L3MBTL4: variants seen among roughly 807,000 people sequenced by gnomAD.
L3MBTL4 encodes the protein lethal(3)malignant brain tumor-like protein 4.
Under a neutral mutation model 84.5 loss-of-function variants are expected in L3MBTL4, and 70 were observed. That is an observed-to-expected ratio of 0.83 (90% CI 0.68 to 1.01). The LOEUF (loss-of-function observed/expected upper bound fraction) is 1.01. L3MBTL4 is among the 50% of genes least tolerant of loss of function. The pLI is 0.00. For synonymous variants in L3MBTL4, 274 were observed against 259.8 expected (o/e 1.05, Z -0.52); for missense variants, 715 against 754.8 (o/e 0.95, Z 0.62).
intron 14 of L3MBTL4, among the ~76,000 whole-genome samples, chr18:6,120,626 C>G (rs1250315063): frequency 6.6e-6 from 1 of 152,222 alleles, no homozygotes; most frequent in African/African-American, 2.4e-5. Flanking sequence ...CATTCCTCCT[C>G]TTCCAGTCAC....
intron 14 of L3MBTL4, among the ~76,000 whole-genome samples, chr18:6,110,152 C>T (rs967432407): frequency 4.6e-5 from 7 of 152,166 alleles, no homozygotes; most frequent in African/African-American, 1.7e-4. Context: ...CTGCTTCTAA[C>T]GGGAAACTCT....
At chr18:6,265,128 AT>A (rs1490297798) in intron 4 of L3MBTL4, among the ~76,000 whole-genome samples, 1 of 152,256 alleles carries the variant, frequency 6.6e-6, no homozygotes, top group African/African-American at 2.4e-5. Context: ...TTAAATGATC[AT>A]TTTTGGTAAA....
chr18:6,103,941 CAAG>C (rs1471460661), intron 14 of L3MBTL4, among the ~76,000 whole-genome samples: 2 of 152,168 alleles, frequency 1.3e-5, no homozygotes, highest in African/African-American at 4.8e-5. Context: ...CTAACAGCTA[CAAG>C]AAGATTTGCA....
intron 10 of L3MBTL4, among the ~76,000 whole-genome samples, chr18:6,218,678 T>C (rs1406644324): frequency 6.6e-6 from 1 of 151,984 alleles, no homozygotes; most frequent in Non-Finnish European, 1.5e-5. Flanking sequence ...GCTATGTACA[T>C]GCAAAAAAGG....
At chr18:6,094,786 C>G (rs948352872) in intron 14 of L3MBTL4, among the ~76,000 whole-genome samples, 1 of 152,000 alleles carries the variant, frequency 6.6e-6, no homozygotes, top group Non-Finnish European at 1.5e-5. Context: ...TGCATTCTAA[C>G]CCCAAAAGGA....
At chr18:6,382,724 G>A (rs186131087) in intron 1 of L3MBTL4, among the ~76,000 whole-genome samples, 1 of 152,314 alleles carries the variant, frequency 6.6e-6, no homozygotes, top group Admixed American at 6.5e-5. Context: ...GTCAGCCAGA[G>A]CTCTCCTGTA....
chr18:5,963,481 C>T (rs953074551), intron 17 of L3MBTL4, among the ~76,000 whole-genome samples: 1 of 152,220 alleles, frequency 6.6e-6, no homozygotes, highest in African/African-American at 2.4e-5. Flanking sequence ...CAAGCAGCAC[C>T]TGCCACCTCC....
chr18:6,097,287 T>C (rs139279460), intron 14 of L3MBTL4, among the ~76,000 whole-genome samples: 1 of 152,350 alleles, frequency 6.6e-6, no homozygotes, highest in East Asian at 1.9e-4. Flanking sequence ...TTCTTTATAA[T>C]GGAAGGAAAC....
At chr18:5,994,421 C>T (rs1211718632) in intron 16 of L3MBTL4, among the ~76,000 whole-genome samples, 1 of 152,200 alleles carries the variant, frequency 6.6e-6, no homozygotes, top group Non-Finnish European at 1.5e-5. Flanking sequence ...ACCTTAGATG[C>T]TCACATGGCA....
In L3MBTL4 at chr18:6,244,134, T is replaced by C. The variant is rs2047561763; in HGVS notation, c.324+350A>G. On this transcript the variant is annotated intron_variant, in intron 6 of 18. Coordinates refer to ENST00000317931, the MANE Select transcript of L3MBTL4 (RefSeq NM_001330559.2). The stretch of plus-strand genomic sequence containing the variant: ...TAAATATATAATTCATATGCATTAA[T>C]ATTATTCATACACATTTCTCATTAG... Among the ~76,000 whole-genome samples the C allele has an allele frequency of 2.6e-5, 4 of 152,226 alleles. No homozygotes were observed. The South Asian group carries it at 8.3e-4, about 31-fold the overall frequency.
chr18:6,281,306 C>T (rs1346356793), intron 4 of L3MBTL4, among the ~76,000 whole-genome samples: 1 of 152,152 alleles, frequency 6.6e-6, no homozygotes, highest in Non-Finnish European at 1.5e-5. Flanking sequence ...TAACATTTTC[C>T]TCTCTTTGAG....
chr18:5,969,683 G>T, intron 16 of L3MBTL4, 121 bp from the exon 17 acceptor site: 1 of 915,120 alleles, frequency 1.1e-6, no homozygotes, highest in Non-Finnish European at 1.6e-6. Context: ...ACCAGAACCC[G>T]CGTCTTCTGA....
intron 5 of L3MBTL4, among the ~76,000 whole-genome samples, chr18:6,252,617 A>G (rs2047973625): frequency 6.6e-6 from 1 of 152,220 alleles, no homozygotes; most frequent in African/African-American, 2.4e-5. Flanking sequence ...ATTCTTAAAA[A>G]ATCAACACAT....
intron 16 of L3MBTL4, among the ~76,000 whole-genome samples, chr18:6,071,377 G>A (rs2057590352): frequency 1.4e-5 from 2 of 145,734 alleles, no homozygotes; most frequent in Non-Finnish European, 3.0e-5. Context: ...GAGACAGAGT[G>A]AGACTCTTTC....
chr18:6,413,900 A>AGCACACTTC (rs1300156768), intron 1 of L3MBTL4: 1 of 152,300 alleles, frequency 6.6e-6, no homozygotes, highest in African/African-American at 2.4e-5. Flanking sequence ...TGTAAGATAA[A>AGCACACTTC]GCACACTTCG....
chr18:6,261,431 C>A (rs1036922557), intron 5 of L3MBTL4, among the ~76,000 whole-genome samples: 1 of 152,196 alleles, frequency 6.6e-6, no homozygotes, highest in Non-Finnish European at 1.5e-5. Context: ...AAAGAATCAT[C>A]AAAGGGTGCA....
At chr18:6,017,041 G>A (rs116201131) in intron 16 of L3MBTL4, among the ~76,000 whole-genome samples, 1 of 152,254 alleles carries the variant, frequency 6.6e-6, no homozygotes, top group African/African-American at 2.4e-5. Flanking sequence ...CCTGAGCTGA[G>A]GGATGAAGCC....
At chr18:6,190,444 T>A (rs561523584) in intron 12 of L3MBTL4, among the ~76,000 whole-genome samples, 1 of 152,314 alleles carries the variant, frequency 6.6e-6, no homozygotes, top group African/African-American at 2.4e-5. Context: ...CCTTCCTTTA[T>A]AAAACAACAG....
rs199980087 is a variant in L3MBTL4, at chr18:6,148,791, AT to A, written c.1097-10496del. Among the ~76,000 whole-genome samples the A allele has an allele frequency of 4.6e-3, 693 of 152,292 alleles. 19 individuals are homozygous for A. The highest frequency in any genetic ancestry group is 0.037 in the Admixed American group (565 of 15,290). ...AAGAGTTATTGGCATACACAAAAAA[AT>A]GTTTTACATATAAATAAACTGTATT... On this transcript the variant is annotated intron_variant, in intron 13 of 18. Coordinates refer to ENST00000317931, the MANE Select transcript of L3MBTL4 (RefSeq NM_001330559.2).
Sources: gnomAD v4.1 joint callset for allele counts (sites outside exome capture counted in the v4.1 genomes callset) on GRCh38, gnomAD v4.1.1 for gene constraint, MANE v1.5 for transcripts, NCBI Gene and HGNC (gene_info 2026-07-23, HGNC 2026-07-21) for gene names.